CSNK1G1: variants seen among roughly 807,000 people sequenced by gnomAD.
CSNK1G1 encodes the protein casein kinase I isoform gamma-1.
In CSNK1G1, 22 loss-of-function variants were observed where a neutral mutation model predicts 59.6. The observed-to-expected ratio is 0.37, with a 90% CI of 0.26 to 0.53. The LOEUF (loss-of-function observed/expected upper bound fraction) is 0.53. Ranked by LOEUF, CSNK1G1 falls within the 20% of genes least tolerant of loss-of-function variation. The probability of loss-of-function intolerance (pLI) is 0.89; values close to 1 mark genes in which losing one functional copy is unlikely to be tolerated. For missense variants in CSNK1G1, 384 were observed against 519.5 expected, an observed-to-expected ratio of 0.74 and a Z score of 2.54; for synonymous variants, 179 against 177.1, an observed-to-expected ratio of 1.01 and a Z score of -0.08.
At chr15:64,223,890 T>A (rs1296683701) in intron 4 of CSNK1G1, among the ~76,000 whole-genome samples, 1 of 152,222 alleles carries the variant, frequency 6.6e-6, no homozygotes, top group African/African-American at 2.4e-5. Flanking sequence ...AAGTTTAACT[T>A]GAGTCAAATA....
rs1172364741 is a variant in CSNK1G1, at chr15:64,170,788, T to A, written c.*1143A>T. The stretch of plus-strand genomic sequence containing the variant: ...AATTTCAATTTTTTTTTGTTAAGCA[T>A]CTCCTTCTCTGGGATGAGCTGTTTC... On this transcript the variant is annotated 3_prime_UTR_variant, in exon 12 of 12. Coordinates refer to ENST00000303052, the MANE Select transcript of CSNK1G1 (RefSeq NM_022048.5). The A allele has an allele frequency of 2.0e-5, 3 of 152,552 alleles. No homozygotes were observed. The highest frequency in any genetic ancestry group is 7.2e-5 in the African/African-American group (3 of 41,414). 9.4% of individuals were successfully genotyped at this position (152,552 alleles called of 1,614,324 possible).
intron 10 of CSNK1G1, chr15:64,189,301 C>G: frequency 9.8e-7 from 1 of 1,024,930 alleles, no homozygotes; most frequent in Non-Finnish European, 1.2e-6. Flanking sequence ...TCTTTGGATT[C>G]TGCTTTCACC....
intron 9 of CSNK1G1, among the ~76,000 whole-genome samples, chr15:64,203,694 T>TAAAAAAAAAAAAAAAAAAAAA (rs531367701): frequency 1.8e-5 from 1 of 56,178 alleles, no homozygotes; most frequent in African/African-American, 7.7e-5. Flanking sequence ...TGAAACTCCG[T>TAAAAAAAAAAAAAAAAAAAAA]AAAAAAAAAA....
At chr15:64,243,234 G>A (rs943459296) in intron 4 of CSNK1G1, among the ~76,000 whole-genome samples, 2 of 152,086 alleles carry the variant, frequency 1.3e-5, no homozygotes, top group African/African-American at 4.8e-5. Flanking sequence ...TACTCGGAAG[G>A]CTGAGGCAGG....
intron 2 of CSNK1G1, chr15:64,265,857 G>C (rs1221875038): frequency 4.4e-6 from 2 of 456,162 alleles, no homozygotes; most frequent in African/African-American, 4.0e-5. Context: ...GCCAAGGCAG[G>C]AGGATCATTT....
intron 2 of CSNK1G1, among the ~76,000 whole-genome samples, chr15:64,298,971 A>T (rs951793026): frequency 6.6e-6 from 1 of 152,098 alleles, no homozygotes; most frequent in East Asian, 1.9e-4. Flanking sequence ...ACCTGGGAAG[A>T]GGAGGTTGCA....
chr15:64,225,264 G>A (rs1056605994), intron 4 of CSNK1G1, among the ~76,000 whole-genome samples: 2 of 151,816 alleles, frequency 1.3e-5, no homozygotes, highest in Non-Finnish European at 2.9e-5. Context: ...CTGCCTCTGA[G>A]GCAGGAGAAT....
chr15:64,181,305 G>A (rs2081810275), intron 10 of CSNK1G1: 4 of 1,536,100 alleles, frequency 2.6e-6, no homozygotes, highest in Non-Finnish European at 3.5e-6. Flanking sequence ...GGCTTCTCTT[G>A]CATGTGTAGC....
intron 10 of CSNK1G1, among the ~76,000 whole-genome samples, chr15:64,198,746 C>A (rs538152906): frequency 6.8e-4 from 100 of 147,356 alleles, no homozygotes; most frequent in African/African-American, 2.2e-3. Flanking sequence ...AAAAAAAGGG[C>A]ATAAGAAAAC....
intron 4 of CSNK1G1, among the ~76,000 whole-genome samples, chr15:64,225,907 G>T (rs1267355982): frequency 1.3e-5 from 2 of 152,296 alleles, no homozygotes; most frequent in African/African-American, 4.8e-5. Flanking sequence ...GATTACAGGC[G>T]TGAGACACTG....
intron 3 of CSNK1G1, among the ~76,000 whole-genome samples, chr15:64,254,958 TAATTGTTGAATAC>T (rs1892291780): frequency 6.6e-6 from 1 of 152,242 alleles, no homozygotes; most frequent in South Asian, 2.1e-4. Context: ...CACTCTGAAT[TAATTGTTGAATAC>T]AATGTAAAGT....
intron 4 of CSNK1G1, among the ~76,000 whole-genome samples, chr15:64,239,084 C>T (rs2082659588): frequency 6.6e-6 from 1 of 152,126 alleles, no homozygotes; most frequent in Non-Finnish European, 1.5e-5. Flanking sequence ...ACTAAACCTA[C>T]CTGCACACAG....
intron 2 of CSNK1G1, among the ~76,000 whole-genome samples, chr15:64,289,804 GGACATGAACATTTTTCAAATGAA>G (rs1894638589): frequency 6.6e-6 from 1 of 151,898 alleles, no homozygotes; most frequent in South Asian, 2.1e-4. Context: ...AGTGAGCAAA[GGACATGAACATTTTTCAAATGAA>G]GACATACAAA....
chr15:64,204,412 TAAAAAAA>T, intron 9 of CSNK1G1, 22 bp downstream of exon 9: 4 of 1,397,384 alleles, frequency 2.9e-6, no homozygotes, highest in Non-Finnish European at 3.8e-6. Context: ...GTAATGAGGT[TAAAAAAA>T]AAAAAAAAAA....
chr15:64,249,243 C>T (rs1174127953), intron 4 of CSNK1G1, among the ~76,000 whole-genome samples: 2 of 152,122 alleles, frequency 1.3e-5, no homozygotes, highest in Non-Finnish European at 2.9e-5. Context: ...ATGATTAGAA[C>T]TAAGTAGTCA....
intron 2 of CSNK1G1, among the ~76,000 whole-genome samples, chr15:64,280,932 T>G (rs1361540447): frequency 6.6e-6 from 1 of 152,082 alleles, no homozygotes; most frequent in Non-Finnish European, 1.5e-5. Flanking sequence ...CAGGCTGGAG[T>G]GCAGTGGCAC....
At chr15:64,202,991 A>G in intron 10 of CSNK1G1, 91 bp downstream of exon 10, 3 of 915,474 alleles carry the variant, frequency 3.3e-6, no homozygotes, top group Non-Finnish European at 5.3e-6. Flanking sequence ...TTTTCAGTAC[A>G]TACACTAAAG....
At chr15:64,340,331 AT>A (rs1861599950) in intron 1 of CSNK1G1, among the ~76,000 whole-genome samples, 2 of 152,180 alleles carry the variant, frequency 1.3e-5, no homozygotes, top group South Asian at 4.1e-4. Flanking sequence ...TGTTGTTTTA[AT>A]GATTTTTTTT....
chr15:64,274,473 A>C (rs1893495886), intron 2 of CSNK1G1, among the ~76,000 whole-genome samples: 1 of 152,228 alleles, frequency 6.6e-6, no homozygotes, highest in Non-Finnish European at 1.5e-5. Context: ...TAATGGACAG[A>C]AAAGTACCAT....
Sources: gnomAD v4.1 joint callset for allele counts (sites outside exome capture counted in the v4.1 genomes callset) on GRCh38, gnomAD v4.1.1 for gene constraint, MANE v1.5 for transcripts, NCBI Gene and HGNC (gene_info 2026-07-23, HGNC 2026-07-21) for gene names.